Variants in CPPED1 observed in about 807,000 individuals in gnomAD.
The protein encoded by CPPED1 is calcineurin like phosphoesterase domain containing 1.
Under a neutral mutation model 28.0 loss-of-function variants are expected in CPPED1, and 28 were observed. That is an observed-to-expected ratio of 1.00 (90% CI 0.74 to 1.37). CPPED1 has a LOEUF of 1.37. Ranked by LOEUF, CPPED1 falls within the 40% of genes most tolerant of loss-of-function variation. The pLI, the probability that CPPED1 is intolerant of heterozygous loss-of-function variation, is 0.00. For missense variants in CPPED1, 504 were observed against 416.5 expected (o/e 1.21, Z -1.83); for synonymous variants, 198 against 180.2 (o/e 1.10, Z -0.79).
chr16:12,721,391 T>C (rs556670029), intron 2 of CPPED1, among the ~76,000 whole-genome samples: 1 of 152,202 alleles, frequency 6.6e-6, no homozygotes, highest in Admixed American at 6.5e-5. Context: ...AACCCAAGTG[T>C]TGACCTTCCC....
At chr16:12,734,493 C>T (rs1447847822) in intron 2 of CPPED1, among the ~76,000 whole-genome samples, 1 of 152,146 alleles carries the variant, frequency 6.6e-6, no homozygotes, top group Non-Finnish European at 1.5e-5. Flanking sequence ...CATTCTCCTG[C>T]CTCAGCCTCC....
intron 1 of CPPED1, among the ~76,000 whole-genome samples, chr16:12,802,970 G>A (rs963042724): frequency 6.6e-6 from 1 of 152,212 alleles, no homozygotes; most frequent in African/African-American, 2.4e-5. Context: ...GCTGCAGGCA[G>A]CAAAAAGCCA....
intron 2 of CPPED1, among the ~76,000 whole-genome samples, chr16:12,759,880 A>G (rs1434000034): frequency 1.3e-5 from 2 of 152,222 alleles, no homozygotes; most frequent in African/African-American, 2.4e-5. Context: ...GTATCCTTAT[A>G]TCAGTGTGAA....
At chr16:12,761,906 T>C (rs535400615) in intron 2 of CPPED1, among the ~76,000 whole-genome samples, 2 of 151,948 alleles carry the variant, frequency 1.3e-5, no homozygotes, top group South Asian at 4.2e-4. Flanking sequence ...AGCTACTCAC[T>C]CGGGAGGCTG....
At chr16:12,694,116 G>T (rs895861196) in intron 3 of CPPED1, among the ~76,000 whole-genome samples, 33 of 152,146 alleles carry the variant, frequency 2.2e-4, no homozygotes, top group African/African-American at 6.5e-4. Flanking sequence ...TGAGGCAGGA[G>T]AATCACTTGA....
chr16:12,783,748 C>G (rs1567305810), intron 1 of CPPED1, among the ~76,000 whole-genome samples: 1 of 152,088 alleles, frequency 6.6e-6, no homozygotes, highest in African/African-American at 2.4e-5. Context: ...ACAAAAATAC[C>G]TCTGCACACG....
intron 3 of CPPED1, among the ~76,000 whole-genome samples, chr16:12,700,640 C>T (rs944017885): frequency 2.0e-5 from 3 of 152,226 alleles, no homozygotes; most frequent in Admixed American, 1.3e-4. Flanking sequence ...GATCCACCTG[C>T]CTTGGCCTCC....
At chr16:12,740,604 G>C (rs2141210750) in intron 2 of CPPED1, among the ~76,000 whole-genome samples, 1 of 152,266 alleles carries the variant, frequency 6.6e-6, no homozygotes, top group East Asian at 1.9e-4. Context: ...TGTCAAATTA[G>C]AATATATTAT....
chr16:12,769,792 G>C (rs573944360), intron 2 of CPPED1, among the ~76,000 whole-genome samples: 96 of 152,238 alleles, frequency 6.3e-4, no homozygotes, highest in African/African-American at 2.2e-3. Flanking sequence ...CCAGAGGCTG[G>C]TGATATTTCA....
At chr16:12,773,673 A>G (rs2080482085) in intron 2 of CPPED1, among the ~76,000 whole-genome samples, 1 of 152,210 alleles carries the variant, frequency 6.6e-6, no homozygotes, top group African/African-American at 2.4e-5. Flanking sequence ...GTGAGCCGAG[A>G]TCATGACACT....
chr16:12,680,665 G>GTGCTT (rs1186563724), intron 3 of CPPED1, among the ~76,000 whole-genome samples: 2 of 152,170 alleles, frequency 1.3e-5, no homozygotes, highest in African/African-American at 2.4e-5. Context: ...CCTGCTTGCT[G>GTGCTT]TATCATCAGC....
chr16:12,685,514 G>A (rs1400272965), intron 3 of CPPED1, among the ~76,000 whole-genome samples: 2 of 152,128 alleles, frequency 1.3e-5, no homozygotes, highest in Non-Finnish European at 2.9e-5. Flanking sequence ...AGGCTGTTAG[G>A]AGTTTCAGAC....
chr16:12,728,562 A>C (rs1416966245), intron 2 of CPPED1, among the ~76,000 whole-genome samples: 1 of 152,134 alleles, frequency 6.6e-6, no homozygotes, highest in Non-Finnish European at 1.5e-5. Context: ...AGAATAAATC[A>C]TGAATATACT....
intron 2 of CPPED1, among the ~76,000 whole-genome samples, chr16:12,723,125 C>G (rs1448248949): frequency 6.6e-6 from 1 of 152,126 alleles, no homozygotes; most frequent in Non-Finnish European, 1.5e-5. Flanking sequence ...GCACACACAC[C>G]GCACATGCAC....
intron 2 of CPPED1, among the ~76,000 whole-genome samples, chr16:12,718,461 C>T (rs1004305637): frequency 3.3e-5 from 5 of 149,952 alleles, no homozygotes; most frequent in African/African-American, 9.9e-5. Flanking sequence ...ATCACTTGAA[C>T]CTGGGAGGCC....
At chr16:12,748,676 G>A (rs561145703) in intron 2 of CPPED1, among the ~76,000 whole-genome samples, 2 of 152,256 alleles carry the variant, frequency 1.3e-5, no homozygotes, top group African/African-American at 4.8e-5. Context: ...ATGAGGTCAA[G>A]AGTTCTAGAC....
In CPPED1 at chr16:12,664,659, TA is replaced by T. The variant is rs1349181399; in HGVS notation, c.*226del. Reference sequence around the variant, plus strand: ...TCCATGCAGAGATAGTCTAATATTTTAAAAACTGATTTCCAGGATCATTCGC... The same window carrying T: ...TCCATGCAGAGATAGTCTAATATTTTAAAACTGATTTCCAGGATCATTCGC... On this transcript the variant is annotated 3_prime_UTR_variant, in exon 4 of 4. Coordinates refer to ENST00000381774, the MANE Select transcript of CPPED1 (RefSeq NM_018340.3). This position sits in a 1 kb window ranked among gnomAD's most constrained non-coding sequence, Gnocchi z 4.2. The T allele has an allele frequency of 9.5e-6, 13 of 1,368,790 alleles. No homozygotes were observed. The highest frequency in any genetic ancestry group is 1.2e-5 in the Non-Finnish European group (13 of 1,069,860). The allele number at this position is 1,368,790 out of a possible 1,614,324, so 84.8% of individuals were successfully genotyped here.
intron 2 of CPPED1, among the ~76,000 whole-genome samples, chr16:12,745,177 G>T (rs1410353451): frequency 7.1e-6 from 1 of 140,068 alleles, no homozygotes; most frequent in Non-Finnish European, 1.5e-5. Context: ...CCCTCAAACA[G>T]AGGTGGGGAC....
intron 2 of CPPED1, among the ~76,000 whole-genome samples, chr16:12,734,162 C>T (rs867395209): frequency 4.3e-5 from 6 of 140,044 alleles, no homozygotes; most frequent in Admixed American, 2.4e-4. Context: ...CTCTGCTTCC[C>T]GGGTTCAAGC....
Sources: allele counts gnomAD v4.1 joint callset (sites outside exome capture counted in the v4.1 genomes callset), GRCh38; gene constraint gnomAD v4.1.1; non-coding constraint Gnocchi (gnomAD v3.1); transcripts MANE v1.5; gene names NCBI Gene and HGNC (gene_info 2026-07-23, HGNC 2026-07-21).